The following DERL1 variants were observed in gnomAD, a reference collection of about 807,000 sequenced individuals.
DERL1 encodes the protein derlin-1.
A neutral mutation model predicts 41.6 loss-of-function variants in DERL1; 24 were observed. The ratio of observed to expected loss-of-function variants is 0.58; its 90% CI spans 0.42 to 0.81. DERL1 has a LOEUF of 0.81. DERL1 is among the 30% of genes least tolerant of loss of function. The pLI is 0.00. For missense variants in DERL1, 260 were observed against 314.3 expected, an observed-to-expected ratio of 0.83 and a Z score of 1.31; for synonymous variants, 124 against 112.5, an observed-to-expected ratio of 1.10 and a Z score of -0.65.
chr8:123,041,987 A>C lies in DERL1; in HGVS notation c.136T>G (p.Phe46Val), dbSNP rs1813087966. 1 of 1,612,274 alleles carries C rather than the reference A, an allele frequency of 6.2e-7. No homozygotes were observed. Among genetic ancestry groups the C allele is most frequent in the Admixed American group, 1.7e-5 (1 of 59,892 alleles). The change falls in exon 1 of 8, where the codon TTC (phenylalanine) becomes GTC (valine). Residue 46 changes from phenylalanine (F) to valine (V), a missense_variant. Coordinates refer to ENST00000259512, the MANE Select transcript of DERL1 (RefSeq NM_024295.6). ...PAYLFLWPEA[F>V]LYRFQIWRPI... ...GTAAGTACCTGAAAGCGATAAAGGA[A>C]GGCTTCGGGCCAGAGGAAGAGGTAG...
Position 123,021,452 on chromosome 8 carries a change from T to G in DERL1, c.501A>C (p.Gly167=). Residue 167 remains glycine, a synonymous_variant, in exon 6 of 8, where the codon GGA becomes GGC. Transcript: ENST00000259512. ...WVILGFNYII[G]GSVINELIGN... The stretch of plus-strand genomic sequence containing the variant: ...ATAAATCTAATATCACTTACGAGCC[T>G]CCGATGATATAGTTGAATCCAAGGA... 3 of 1,613,360 alleles carry G rather than the reference T, an allele frequency of 1.9e-6. No homozygotes were observed. The highest frequency in any genetic ancestry group is 2.5e-6 in the Non-Finnish European group (3 of 1,179,308).
At chr8:123,032,135 ATT>A (rs33993122) in intron 1 of DERL1, among the ~76,000 whole-genome samples, 3,363 of 149,752 alleles carry the variant, frequency 0.022, 119 homozygotes, top group African/African-American at 0.078. Context: ...CTGGATTTAC[ATT>A]TTTTTTTTCC....
At position 123,042,139 on chromosome 8, in the gene DERL1, G is replaced by C. The variant is rs1554597028; in HGVS notation, c.-17C>G. 1 of 1,597,764 alleles carries C rather than the reference G, an allele frequency of 6.3e-7. No homozygotes were observed. The highest frequency in any genetic ancestry group is 1.1e-5 in the South Asian group (1 of 89,850). On this transcript the variant is annotated 5_prime_UTR_variant, in exon 1 of 8. Coordinates refer to ENST00000259512, the MANE Select transcript of DERL1 (RefSeq NM_024295.6). ...GTCCGACATCTTCGACCCACAGGTA[G>C]CCAAGATGCACAAGACCGCCCGACT...
intron 1 of DERL1, among the ~76,000 whole-genome samples, chr8:123,037,293 A>C (rs954565253): frequency 6.6e-6 from 1 of 152,216 alleles, no homozygotes; most frequent in African/African-American, 2.4e-5. Context: ...CTCAATTTGA[A>C]GGTACTCGTT....
chr8:123,025,332 C>G (rs868328053), intron 2 of DERL1, among the ~76,000 whole-genome samples: 2 of 152,178 alleles, frequency 1.3e-5, no homozygotes, highest in Non-Finnish European at 2.9e-5. Flanking sequence ...AGAGAAAGTA[C>G]AGTCAATTCC....
At chr8:123,030,124 T>C (rs1188602812) in intron 2 of DERL1, 1 of 152,302 alleles carries the variant, frequency 6.6e-6, no homozygotes, top group Non-Finnish European at 1.5e-5. Flanking sequence ...CTACCATATA[T>C]TATTAAATCT....
At chr8:123,041,689 C>T (rs905023471) in intron 1 of DERL1, among the ~76,000 whole-genome samples, 1 of 152,252 alleles carries the variant, frequency 6.6e-6, no homozygotes, top group African/African-American at 2.4e-5. Context: ...ACTAATCTCA[C>T]TGCTTCCTTC....
chr8:123,031,811 A>C (rs1348388843), intron 1 of DERL1, among the ~76,000 whole-genome samples: 1 of 152,210 alleles, frequency 6.6e-6, no homozygotes, highest in African/African-American at 2.4e-5. Flanking sequence ...TTAAACTGTT[A>C]CAATGCCACA....
chr8:123,020,366 T>A (rs1586459191), intron 6 of DERL1, among the ~76,000 whole-genome samples: 1 of 151,748 alleles, frequency 6.6e-6, no homozygotes. Context: ...TGTAATCCCA[T>A]CTACTCGGGA....
intron 2 of DERL1, among the ~76,000 whole-genome samples, chr8:123,026,829 A>ATCC (rs1260995978): frequency 6.6e-6 from 1 of 151,706 alleles, no homozygotes; most frequent in African/African-American, 2.4e-5. Flanking sequence ...AATGAGGTAT[A>ATCC]TCCATACGAT....
chr8:123,023,526 G>A (rs1400871303), intron 4 of DERL1, among the ~76,000 whole-genome samples, 187 bp downstream of exon 4: 3 of 152,120 alleles, frequency 2.0e-5, no homozygotes, highest in Non-Finnish European at 4.4e-5. Context: ...CTGCACTCCA[G>A]CCTGAGCAAC....
rs751798621 is a variant in DERL1, at chr8:123,042,150, C to A, written c.-28G>T. The A allele has an allele frequency of 1.3e-6, 2 of 1,574,048 alleles. No homozygotes were observed. Among genetic ancestry groups the A allele is most frequent in the South Asian group, 1.1e-5 (1 of 87,492 alleles). ...TCGACCCACAGGTAGCCAAGATGCA[C>A]AAGACCGCCCGACTCCCCGTGCCGA... On this transcript the variant is annotated 5_prime_UTR_variant, in exon 1 of 8. Coordinates refer to ENST00000259512, the MANE Select transcript of DERL1 (RefSeq NM_024295.6).
At chr8:123,032,717 G>A (rs1434535222) in intron 1 of DERL1, among the ~76,000 whole-genome samples, 1 of 152,050 alleles carries the variant, frequency 6.6e-6, no homozygotes, top group East Asian at 1.9e-4. Context: ...CATTTACAGA[G>A]TAACCCACAT....
chr8:123,015,546 T>A lies in DERL1; in HGVS notation c.657A>T (p.Gly219=). ...WLPSRRGGVS[G]FGVPPASMRR... ...TCATGCTAGCAGGGGGCACACCAAA[T>A]CCTGATACTCCTCCTCTCCTACTGG... Residue 219 remains glycine (G), a synonymous_variant, in exon 8 of 8, where the codon GGA becomes GGT. Coordinates refer to ENST00000259512, the MANE Select transcript of DERL1 (RefSeq NM_024295.6). 1 of 1,612,176 alleles carries A rather than the reference T, an allele frequency of 6.2e-7. No individual in the cohort carries two copies. The highest frequency in any genetic ancestry group is 8.5e-7 in the Non-Finnish European group (1 of 1,179,204).
In DERL1 at chr8:123,039,278, C is replaced by T. The variant is rs548836557; in HGVS notation, c.153+2692G>A. On this transcript the variant is annotated intron_variant, in intron 1 of 7. Coordinates refer to ENST00000259512, the MANE Select transcript of DERL1 (RefSeq NM_024295.6). Reference sequence around the variant, plus strand: ...CACAAAGTCCACTCCACAGAATAGTCGGGGCAATCTGTCAGTCCTTTGTTC... The same window carrying T: ...CACAAAGTCCACTCCACAGAATAGTTGGGGCAATCTGTCAGTCCTTTGTTC... Among the ~76,000 whole-genome samples, 6 of 152,282 alleles carry T rather than the reference C, an allele frequency of 3.9e-5. No individual in the cohort carries two copies. In the South Asian group the frequency reaches 1.0e-3, roughly 26 times the overall value.
intron 2 of DERL1, among the ~76,000 whole-genome samples, chr8:123,026,405 C>T (rs1812691241): frequency 6.6e-6 from 1 of 152,224 alleles, no homozygotes; most frequent in Admixed American, 6.5e-5. Flanking sequence ...TATTATCTGA[C>T]ATGCTTGCAA....
chr8:123,030,437 T>G, intron 2 of DERL1, 168 bp downstream of exon 2: 1 of 519,472 alleles, frequency 1.9e-6, no homozygotes, highest in South Asian at 2.8e-5. Context: ...GGATTAAAAA[T>G]TGAGTAAGCT....
chr8:123,041,970 C>T lies in DERL1; in HGVS notation c.153G>A (p.Gln51=), dbSNP rs2130503462. Residue 51 remains glutamine (Q), a splice_region_variant and synonymous_variant, in exon 1 of 8, where the codon CAG becomes CAA. Transcript: ENST00000259512. ...CACGCCCCCCGTCTCCGGTAAGTAC[C>T]TGAAAGCGATAAAGGAAGGCTTCGG... ...LWPEAFLYRF[Q]IWRPITATFY... The T allele has an allele frequency of 6.2e-7, 1 of 1,609,036 alleles. No individual in the cohort carries two copies. Among genetic ancestry groups the T allele is most frequent in the Non-Finnish European group, 8.5e-7 (1 of 1,176,814 alleles).
chr8:123,015,679 T>C (rs1389095074), intron 7 of DERL1, 94 bp from the exon 8 acceptor site: 17 of 1,449,700 alleles, frequency 1.2e-5, no homozygotes, highest in Non-Finnish European at 1.2e-5. Context: ...CCTCTCCTGC[T>C]GTTCCCATGG....
Sources: gnomAD v4.1 joint callset for allele counts (sites outside exome capture counted in the v4.1 genomes callset) on GRCh38, gnomAD v4.1.1 for gene constraint, MANE v1.5 for transcripts, NCBI Gene and HGNC (gene_info 2026-07-23, HGNC 2026-07-21) for gene names.